Variants in PTCD2 observed in about 807,000 individuals in gnomAD.
PTCD2 encodes the protein pentatricopeptide repeat-containing protein 2, mitochondrial.
PTCD2 carries 31 observed loss-of-function variants against 42.6 expected under a neutral mutation model. The observed-to-expected ratio is 0.73, with a 90% CI of 0.55 to 0.98. PTCD2 has a LOEUF of 0.98. PTCD2 is among the 50% of genes least tolerant of loss of function. The pLI, the probability that PTCD2 is intolerant of heterozygous loss-of-function variation, is 0.00. For synonymous variants in PTCD2, 183 were observed against 170.9 expected (o/e 1.07, Z -0.55); for missense variants, 476 against 454.8 (o/e 1.05, Z -0.42).
chr5:72,340,859 C>A (rs1220194829), intron 7 of PTCD2, among the ~76,000 whole-genome samples: 1 of 151,648 alleles, frequency 6.6e-6, no homozygotes, highest in East Asian at 1.9e-4. Context: ...GATTTTTTTC[C>A]ACTTGATTGA....
Position 72,365,160 on chromosome 5 carries a change from G to C in PTCD2, c.*6733G>C, listed in dbSNP as rs550506177. 1 of 152,450 alleles carries C rather than the reference G, an allele frequency of 6.6e-6. No individual in the cohort carries two copies. The highest frequency in any genetic ancestry group is 2.1e-4 in the South Asian group (1 of 4,822). The allele number at this position is 152,450 out of a possible 1,614,324, so 9.4% of individuals were successfully genotyped here. ...AACACTGCAGAGCTGGCTGCTCTGG[G>C]ATAGGAGAGGAAGGCCTCATTTAAT... On this transcript the variant is annotated 3_prime_UTR_variant, in exon 10 of 10. Coordinates refer to ENST00000380639, the MANE Select transcript of PTCD2 (RefSeq NM_024754.5).
chr5:72,320,469 G>A lies in PTCD2; in HGVS notation c.87G>A (p.Val29=), dbSNP rs1287024807. The change falls in exon 1 of 10, where the codon GTG becomes GTA. Residue 29 remains valine (V), a synonymous_variant. Transcript: ENST00000380639. ...TGCAGATTTTGGTGTATCCTGGGGT[G>A]GGAGGCTCCGGCTCTGTCAGCTGCC... The part of the protein sequence containing the change: ...QALQILVYPG[V]GGSGSVSCRC... 6.2e-7 allele frequency: 1 copy of A among 1,614,004 alleles called. No homozygotes were observed. The highest frequency in any genetic ancestry group is 8.5e-7 in the Non-Finnish European group (1 of 1,180,034).
chr5:72,357,662 ACCT>A (rs1175571367), intron 9 of PTCD2, among the ~76,000 whole-genome samples: 1 of 151,306 alleles, frequency 6.6e-6, no homozygotes, highest in African/African-American at 2.4e-5. Flanking sequence ...CTGGTATATG[ACCT>A]CCTTTACTTG....
chr5:72,356,051 C>T (rs557819048), intron 9 of PTCD2, among the ~76,000 whole-genome samples: 14 of 152,224 alleles, frequency 9.2e-5, no homozygotes, highest in Admixed American at 5.9e-4. Context: ...GTTGATTTAA[C>T]GCTTCTTTCT....
rs188897886 is a variant in PTCD2, at chr5:72,322,857, C to G, written c.220+593C>G. ...TTAAAAAACAAGAGAAACCTGACTA[C>G]CAAACCTAGGATTTGGCTGGGCATG... On this transcript the variant is annotated intron_variant, in intron 2 of 9. Coordinates refer to ENST00000380639, the MANE Select transcript of PTCD2 (RefSeq NM_024754.5). 2.3e-3 allele frequency among the ~76,000 whole-genome samples: 348 copies of G among 152,282 alleles called. 3 individuals are homozygous for G. Among genetic ancestry groups the G allele is most frequent in the African/African-American group, 7.5e-3 (311 of 41,538 alleles).
intron 8 of PTCD2, among the ~76,000 whole-genome samples, chr5:72,344,553 C>T (rs892365017): frequency 2.6e-5 from 4 of 152,060 alleles, no homozygotes; most frequent in Admixed American, 2.0e-4. Flanking sequence ...CCACCTCTTA[C>T]TAGCTCTGAG....
rs1753156409 is a variant in PTCD2, at chr5:72,364,428, G to A, written c.*6001G>A. On this transcript the variant is annotated 3_prime_UTR_variant, in exon 10 of 10. Coordinates refer to ENST00000380639, the MANE Select transcript of PTCD2 (RefSeq NM_024754.5). Reference sequence around the variant, plus strand: ...TGGTGTTTTGTAAAACCAGTTGTCTGTGTCATTTATTTTAACATGTAAAGT... The same window carrying A: ...TGGTGTTTTGTAAAACCAGTTGTCTATGTCATTTATTTTAACATGTAAAGT... The A allele has an allele frequency of 6.6e-6, 1 of 152,186 alleles. No individual in the cohort carries two copies. Among genetic ancestry groups the A allele is most frequent in the South Asian group, 2.1e-4 (1 of 4,828 alleles). 9.4% of individuals were successfully genotyped at this position (152,186 alleles called of 1,614,324 possible).
At position 72,358,280 on chromosome 5, in the gene PTCD2, C is replaced by G; in HGVS notation, c.1020C>G (p.His340Gln). The part of the protein sequence containing the change: ...AKFDEIYGTL[H>Q]ITGQVTTDSL... ...TTGATGAGATCTATGGGACACTGCA[C>G]ATCACTGGCCAGGTCACCACTGATT... The change falls in exon 10 of 10, where the codon CAC becomes CAG. Residue 340 changes from histidine to glutamine, a missense_variant. By Grantham distance (24) the His-to-Gln change is conservative. Transcript: ENST00000380639. 1 of 1,614,074 alleles carries G rather than the reference C, an allele frequency of 6.2e-7. No individual in the cohort carries two copies. The highest frequency in any genetic ancestry group is 8.5e-7 in the Non-Finnish European group (1 of 1,179,978).
At position 72,366,523 on chromosome 5, in the gene PTCD2, G is replaced by C. The variant is rs1313398655; in HGVS notation, c.*8096G>C. 6.6e-6 allele frequency: 1 copy of C among 152,216 alleles called. No homozygotes were observed. Among genetic ancestry groups the C allele is most frequent in the Admixed American group, 6.5e-5 (1 of 15,286 alleles). 9.4% of individuals were successfully genotyped at this position (152,216 alleles called of 1,614,324 possible). A position where few individuals can be genotyped will look rare whatever the true frequency, so the allele number is the denominator to read the frequency against. The stretch of plus-strand genomic sequence containing the variant: ...TCCCTGGCCAACTTCCTGCTTTGCT[G>C]TCAGTAGCAGAGCTGAAGAACTTAC... On this transcript the variant is annotated 3_prime_UTR_variant, in exon 10 of 10. Transcript: ENST00000380639.
rs565947020 is a variant in PTCD2 at position 72,351,093 on chromosome 5, G to T, written c.829-1548G>T. Among the ~76,000 whole-genome samples the T allele has an allele frequency of 3.9e-5, 6 of 152,172 alleles. No individual in the cohort carries two copies. In the South Asian group the frequency reaches 1.2e-3, roughly 32 times the overall value. The stretch of plus-strand genomic sequence containing the variant: ...GACCAAAAGTAGAATCAAATTTTGG[G>T]GATAAGTTAATATATTTGGAAGATT... On this transcript the variant is annotated intron_variant, in intron 8 of 9. Transcript: ENST00000380639.
rs112670257 is a variant in PTCD2 at position 72,358,263 on chromosome 5, A to G, written c.1003A>G (p.Ile335Val). The change falls in exon 10 of 10, where the codon ATC becomes GTC. Residue 335 changes from isoleucine (I) to valine (V), a missense_variant. Coordinates refer to ENST00000380639, the MANE Select transcript of PTCD2 (RefSeq NM_024754.5). ...TGCCCTTGTGGCCAAATTTGATGAG[A>G]TCTATGGGACACTGCACATCACTGG... ...VPALVAKFDE[I>V]YGTLHITGQV... The G allele has an allele frequency of 6.2e-7, 1 of 1,614,048 alleles. No individual in the cohort carries two copies. Among genetic ancestry groups the G allele is most frequent in the Non-Finnish European group, 8.5e-7 (1 of 1,179,998 alleles).
At chr5:72,320,812 T>G (rs1750792831) in intron 1 of PTCD2, 1 of 322,356 alleles carries the variant, frequency 3.1e-6, no homozygotes, top group African/African-American at 2.1e-5. Flanking sequence ...ATTTATTTAT[T>G]TATTTATTTT....
intron 8 of PTCD2, among the ~76,000 whole-genome samples, chr5:72,349,469 A>C (rs1322494382): frequency 1.3e-5 from 2 of 152,198 alleles, no homozygotes; most frequent in Non-Finnish European, 2.9e-5. Context: ...GAAAACTGGC[A>C]GCCTCTACCA....
intron 9 of PTCD2, among the ~76,000 whole-genome samples, chr5:72,357,186 C>T (rs1228464067): frequency 6.6e-6 from 1 of 152,154 alleles, no homozygotes; most frequent in Non-Finnish European, 1.5e-5. Context: ...TCAATCAGGT[C>T]CAAACAGAGC....
At chr5:72,326,463 T>C in intron 2 of PTCD2, 149 bp from the exon 3 acceptor site, 1 of 740,310 alleles carries the variant, frequency 1.4e-6, no homozygotes, top group South Asian at 1.8e-5. Context: ...TAGAGGAGAT[T>C]GGCCAGTGAT....
At chr5:72,327,692 C>T (rs989346372) in intron 3 of PTCD2, among the ~76,000 whole-genome samples, 1 of 151,948 alleles carries the variant, frequency 6.6e-6, no homozygotes, top group Non-Finnish European at 1.5e-5. Flanking sequence ...AGGCTGGTCT[C>T]GAACTCCTAG....
chr5:72,335,230 A>T (rs1751668808), intron 5 of PTCD2, 134 bp downstream of exon 5: 1 of 542,334 alleles, frequency 1.8e-6, no homozygotes, highest in South Asian at 2.0e-5. Context: ...CGGGTGGATC[A>T]TGAGGTCAGG....
rs1753017338 is a variant in PTCD2 at position 72,358,884 on chromosome 5, T to C, written c.*457T>C. 1 of 184,464 alleles carries C rather than the reference T, an allele frequency of 5.4e-6. No individual in the cohort carries two copies. Among genetic ancestry groups the C allele is most frequent in the Admixed American group, 5.4e-5 (1 of 18,502 alleles). The allele number at this position is 184,464 out of a possible 1,614,324, so 11.4% of individuals were successfully genotyped here. On this transcript the variant is annotated 3_prime_UTR_variant, in exon 10 of 10. Coordinates refer to ENST00000380639, the MANE Select transcript of PTCD2 (RefSeq NM_024754.5). ...CCAGGATTTTCTCATTGCTCTGCCA[T>C]CATATATGTCTATGACTTGAGCCCT...
chr5:72,327,822 A>G (rs369028105), intron 3 of PTCD2, among the ~76,000 whole-genome samples: 1 of 152,178 alleles, frequency 6.6e-6, no homozygotes, highest in Non-Finnish European at 1.5e-5. Context: ...CTGTATTTAT[A>G]TGTACATTTA....
Sources: gnomAD v4.1 joint callset for allele counts (sites outside exome capture counted in the v4.1 genomes callset) on GRCh38, gnomAD v4.1.1 for gene constraint, MANE v1.5 for transcripts, NCBI Gene and HGNC (gene_info 2026-07-23, HGNC 2026-07-21) for gene names.